Variants in ID4 observed in about 807,000 individuals in gnomAD.
The protein encoded by ID4 is DNA-binding protein inhibitor ID-4.
ID4 carries 9 observed loss-of-function variants against 8.6 expected under a neutral mutation model. That is an observed-to-expected ratio of 1.04 (90% CI 0.63 to 1.82). ID4 has a LOEUF of 1.82. Ranked by LOEUF, ID4 falls within the 40% of genes most tolerant of loss-of-function variation. The pLI is 0.00. For missense variants in ID4, 270 were observed against 235.1 expected (o/e 1.15, Z -0.97); for synonymous variants, 180 against 118.0 (o/e 1.53, Z -3.41).
At position 19,837,989 on chromosome 6, in the gene ID4, G is replaced by T; in HGVS notation, c.235G>T (p.Val79Leu). Residue 79 changes from valine (V) to leucine (L), a missense_variant, in exon 1 of 3, where the codon GTG (valine) becomes TTG (leucine). This residue lies in a region of ID4 where 160 missense variants were observed against 131.5 expected (regional missense o/e 1.22). Coordinates refer to ENST00000378700, the MANE Select transcript of ID4 (RefSeq NM_001546.4). ...NDCYSRLRRLVPTIPPNKKVS... is the reference protein window; with the variant it reads ...NDCYSRLRRLLPTIPPNKKVS... ...CTGCTATAGCCGCCTGCGGAGGCTG[G>T]TGCCCACCATCCCGCCCAACAAGAA... 6.3e-7 allele frequency: 1 copy of T among 1,597,066 alleles called. No individual in the cohort carries two copies. Among genetic ancestry groups the T allele is most frequent in the Non-Finnish European group, 8.5e-7 (1 of 1,172,040 alleles).
At position 19,837,894 on chromosome 6, in the gene ID4, C is replaced by T. The variant is rs764642681; in HGVS notation, c.140C>T (p.Ala47Val). 9.8e-6 allele frequency: 13 copies of T among 1,332,128 alleles called. 1 individual carries two copies. In the South Asian group the frequency reaches 2.1e-4, roughly 22 times the overall value. The allele number at this position is 1,332,128 out of a possible 1,614,324, so 82.5% of individuals were successfully genotyped here. ...GCAGCCGCGGCGGCGGCGGCGGCGG[C>T]AGCGCGCTGTAAGGCGGCCGAGGCG... ...GSAAAAAAAA[A>V]ARCKAAEAAA... Residue 47 changes from alanine to valine, a missense_variant, in exon 1 of 3, where the codon GCA becomes GTA. This residue lies in a region of ID4 where 160 missense variants were observed against 131.5 expected (regional missense o/e 1.22). Coordinates refer to ENST00000378700, the MANE Select transcript of ID4 (RefSeq NM_001546.4).
rs1375358768 is a variant in ID4 at position 19,839,560 on chromosome 6, C to T, written c.*365C>T. The T allele has an allele frequency of 6.6e-6, 1 of 152,348 alleles. No individual in the cohort carries two copies. Among genetic ancestry groups the T allele is most frequent in the Non-Finnish European group, 1.5e-5 (1 of 67,974 alleles). The allele number at this position is 152,348 out of a possible 1,614,324, so 9.4% of individuals were successfully genotyped here. A position where few individuals can be genotyped will look rare whatever the true frequency, so the allele number is the denominator to read the frequency against. ...CCGACTTTAGAAGCCTACTTTGTGA[C>T]CAAGGAGCTCAATTTTTGTTTTGAA... On this transcript the variant is annotated 3_prime_UTR_variant, in exon 3 of 3. Coordinates refer to ENST00000378700, the MANE Select transcript of ID4 (RefSeq NM_001546.4).
At position 19,837,781 on chromosome 6, in the gene ID4, C is replaced by T. The variant is rs1215329280; in HGVS notation, c.27C>T (p.Pro9=). ...TGAAGGCGGTGAGCCCGGTGCGCCC[C>T]TCGGGCCGCAAGGCGCCGTCGGGCT... MKAVSPVR[P]SGRKAPSGCG... The change falls in exon 1 of 3, where the codon CCC becomes CCT. Residue 9 remains proline (P), a synonymous_variant. Transcript: ENST00000378700. The T allele has an allele frequency of 7.1e-6, 8 of 1,127,476 alleles. No homozygotes were observed. The highest frequency in any genetic ancestry group is 4.3e-5 in the South Asian group (1 of 23,384). 69.8% of individuals were successfully genotyped at this position (1,127,476 alleles called of 1,614,324 possible).
rs143275770 is a variant in ID4 at position 19,840,214 on chromosome 6, T to C, written c.*1019T>C. 1.0e-4 allele frequency: 16 copies of C among 152,728 alleles called. No homozygotes were observed. Among genetic ancestry groups the C allele is most frequent in the African/African-American group, 3.8e-4 (16 of 41,574 alleles). The allele number at this position is 152,728 out of a possible 1,614,324, so 9.5% of individuals were successfully genotyped here. On this transcript the variant is annotated 3_prime_UTR_variant, in exon 3 of 3. Transcript: ENST00000378700. ...TGAGGTCAAAATGGATTCTGAATGA[T>C]TTTGCATATGGGATGAGGAAATGCT... is the stretch of plus-strand genomic sequence containing the variant.
chr6:19,841,376 C>G lies in ID4; in HGVS notation c.*2181C>G, dbSNP rs557902850. Among the ~76,000 whole-genome samples, 1 of 152,122 alleles carries G rather than the reference C, an allele frequency of 6.6e-6. No homozygotes were observed. The highest frequency in any genetic ancestry group is 2.4e-5 in the African/African-American group (1 of 41,424). On this transcript the variant is annotated 3_prime_UTR_variant, in exon 3 of 3. Transcript: ENST00000378700. ...CTTTGTTATTAAAAAGGGCACAATC[C>G]TTCCTTTTTATTTGGCAGTTTAATT...
rs1383882178 is a variant in ID4, at chr6:19,842,088, CAA to C, written c.*2894_*2895del. 3.3e-5 allele frequency among the ~76,000 whole-genome samples: 5 copies of C among 152,202 alleles called. No individual in the cohort carries two copies. Among genetic ancestry groups the C allele is most frequent in the African/African-American group, 1.2e-4 (5 of 41,444 alleles). The stretch of plus-strand genomic sequence containing the variant: ...ACTTTGATATTGTGTAAACCTTACT[CAA>C]GTTTATTGTCAAGCTTTAACTGCCT... On this transcript the variant is annotated 3_prime_UTR_variant, in exon 3 of 3. Transcript: ENST00000378700.
At chr6:19,838,715 C>A in intron 2 of ID4, 73 bp downstream of exon 2, 1 of 1,363,656 alleles carries the variant, frequency 7.3e-7, no homozygotes, top group South Asian at 1.2e-5. Context: ...CGGGGCCAGG[C>A]ACCGCGGTGT....
In ID4 at chr6:19,841,824, C is replaced by A. The variant is rs957829338; in HGVS notation, c.*2629C>A. On this transcript the variant is annotated 3_prime_UTR_variant, in exon 3 of 3. Transcript: ENST00000378700. ...TTTTGAGTCTTTTATCTAGGTAGTT[C>A]TAATTATTCAGCTACTTAGTTTAAC... Among the ~76,000 whole-genome samples the A allele has an allele frequency of 1.3e-5, 2 of 152,150 alleles. No individual in the cohort carries two copies. The highest frequency in any genetic ancestry group is 6.5e-5 in the Admixed American group (1 of 15,276).
rs1313050810 is a variant in ID4 at position 19,842,176 on chromosome 6, A to G, written c.*2981A>G. Among the ~76,000 whole-genome samples the G allele has an allele frequency of 1.3e-5, 2 of 152,212 alleles. No individual in the cohort carries two copies. Among genetic ancestry groups the G allele is most frequent in the East Asian group, 1.9e-4 (1 of 5,204 alleles). ...TATTGTATTAGTTGCCTTCTATAAC[A>G]ATAAATCTTCACTGAGCAAAAGGCT... On this transcript the variant is annotated 3_prime_UTR_variant, in exon 3 of 3. Coordinates refer to ENST00000378700, the MANE Select transcript of ID4 (RefSeq NM_001546.4).
Position 19,837,929 on chromosome 6 carries a change from G to C in ID4, c.175G>C (p.Glu59Gln). Residue 59 changes from glutamate to glutamine, a missense_variant, in exon 1 of 3, where the codon GAG (glutamate) becomes CAG (glutamine). Coordinates refer to ENST00000378700, the MANE Select transcript of ID4 (RefSeq NM_001546.4). ...TAAGGCGGCCGAGGCGGCGGCCGAC[G>C]AGCCGGCGCTGTGCCTGCAGTGCGA... ...RCKAAEAAAD[E>Q]PALCLQCDMN... 6.9e-7 allele frequency: 1 copy of C among 1,441,020 alleles called. No homozygotes were observed. Among genetic ancestry groups the C allele is most frequent in the Non-Finnish European group, 9.2e-7 (1 of 1,088,966 alleles). The allele number at this position is 1,441,020 out of a possible 1,614,324, so 89.3% of individuals were successfully genotyped here.
chr6:19,837,519 T>G lies in ID4; in HGVS notation c.-236T>G. ...GGTGGGCTACTTTTCTTCCGGTGCTTTTGCTTTTTTTTTCCTTTGGGCTCG... is the reference window on the plus strand; with the variant it reads ...GGTGGGCTACTTTTCTTCCGGTGCTGTTGCTTTTTTTTTCCTTTGGGCTCG... On this transcript the variant is annotated 5_prime_UTR_variant, in exon 1 of 3. Coordinates refer to ENST00000378700, the MANE Select transcript of ID4 (RefSeq NM_001546.4). 5.9e-6 allele frequency: 1 copy of G among 168,996 alleles called. No individual in the cohort carries two copies. Among genetic ancestry groups the G allele is most frequent in the East Asian group, 1.4e-4 (1 of 7,016 alleles). The allele number at this position is 168,996 out of a possible 1,614,324, so 10.5% of individuals were successfully genotyped here.
At chr6:19,838,767 T>G (rs561287250) in intron 2 of ID4, 125 bp downstream of exon 2, 2 of 750,480 alleles carry the variant, frequency 2.7e-6, no homozygotes, top group South Asian at 1.7e-5. Flanking sequence ...CCCAAGGAAG[T>G]AAATCCCCTC....
Position 19,840,739 on chromosome 6 carries a change from C to G in ID4, c.*1544C>G, listed in dbSNP as rs965428151. 3 of 152,016 alleles carry G rather than the reference C, an allele frequency of 2.0e-5. No individual in the cohort carries two copies. The highest frequency in any genetic ancestry group is 4.4e-5 in the Non-Finnish European group (3 of 67,984). 9.4% of individuals were successfully genotyped at this position (152,016 alleles called of 1,614,324 possible). A position where few individuals can be genotyped will look rare whatever the true frequency, so the allele number is the denominator to read the frequency against. On this transcript the variant is annotated 3_prime_UTR_variant, in exon 3 of 3. Coordinates refer to ENST00000378700, the MANE Select transcript of ID4 (RefSeq NM_001546.4). ...CCTTACTCTTATTTTTCTTTTAAGG[C>G]TCTTTTTTCTCCTTAAGGAAGGTAA...
At position 19,839,736 on chromosome 6, in the gene ID4, TATAG is replaced by T. The variant is rs1285025718; in HGVS notation, c.*543_*546del. On this transcript the variant is annotated 3_prime_UTR_variant, in exon 3 of 3. Transcript: ENST00000378700. ...TGAGTGACATTTCATACCATGTATA[TATAG>T]AGATGTTCTATAAGTGTGAGAAAGT... is the stretch of plus-strand genomic sequence containing the variant. 1 of 152,614 alleles carries T rather than the reference TATAG, an allele frequency of 6.6e-6. No homozygotes were observed. The highest frequency in any genetic ancestry group is 1.5e-5 in the Non-Finnish European group (1 of 68,032). The allele number at this position is 152,614 out of a possible 1,614,324, so 9.5% of individuals were successfully genotyped here. A position where few individuals can be genotyped will look rare whatever the true frequency, so the allele number is the denominator to read the frequency against.
At position 19,837,607 on chromosome 6, in the gene ID4, T is replaced by C. The variant is rs1483932470; in HGVS notation, c.-148T>C. 6 of 350,532 alleles carry C rather than the reference T, an allele frequency of 1.7e-5. No individual in the cohort carries two copies. The highest frequency in any genetic ancestry group is 4.4e-5 in the African/African-American group (2 of 45,062). 21.7% of individuals were successfully genotyped at this position (350,532 alleles called of 1,614,324 possible). On this transcript the variant is annotated 5_prime_UTR_variant, in exon 1 of 3. Transcript: ENST00000378700. Reference sequence around the variant, plus strand: ...AAACCCAGAGCGACCCTCCCGTCAATTGTTGGGCTCGGGAGTGTCGCGGTG... The same window carrying C: ...AAACCCAGAGCGACCCTCCCGTCAACTGTTGGGCTCGGGAGTGTCGCGGTG...
intron 2 of ID4, chr6:19,838,968 C>T (rs540751246): frequency 1.1e-5 from 4 of 364,540 alleles, no homozygotes; most frequent in East Asian, 1.3e-4. Flanking sequence ...CCGGTGTCCT[C>T]CCGTGCAGTC....
At chr6:19,838,294 G>A (rs1398446891) in intron 1 of ID4, 99 bp downstream of exon 1, 3 of 1,174,570 alleles carry the variant, frequency 2.6e-6, no homozygotes, top group African/African-American at 3.3e-5. Flanking sequence ...CCGGGCAGGG[G>A]CGGGCCAGGA....
At chr6:19,838,893 T>C (rs895378222) in intron 2 of ID4, 7 of 550,606 alleles carry the variant, frequency 1.3e-5, no homozygotes, top group African/African-American at 9.7e-5. Context: ...TTTCTGGTGG[T>C]CAGCGGGCTC....
At chr6:19,838,934 A>T (rs1005867398) in intron 2 of ID4, 6 of 453,302 alleles carry the variant, frequency 1.3e-5, no homozygotes, top group Non-Finnish European at 2.4e-5. Context: ...GAGGGAGGGC[A>T]CCCTCGTGGG....
Sources: allele counts gnomAD v4.1 joint callset (sites outside exome capture counted in the v4.1 genomes callset), GRCh38; gene constraint gnomAD v4.1.1; regional missense constraint gnomAD v4.1.1; transcripts MANE v1.5; gene names NCBI Gene and HGNC (gene_info 2026-07-23, HGNC 2026-07-21).